The following TGFA variants were observed in gnomAD, a reference collection of about 807,000 sequenced individuals.
The protein encoded by TGFA is transforming growth factor alpha.
Under a neutral mutation model 21.7 loss-of-function variants are expected in TGFA, and 12 were observed. The observed-to-expected ratio is 0.55, with a 90% CI of 0.35 to 0.90. The LOEUF (loss-of-function observed/expected upper bound fraction) is 0.90, where lower values mean the gene tolerates loss of function less well. Ranked by LOEUF, TGFA falls within the 40% of genes least tolerant of loss-of-function variation. The pLI, the probability that TGFA is intolerant of heterozygous loss-of-function variation, is 0.01. For missense variants in TGFA, 178 were observed against 210.8 expected, an observed-to-expected ratio of 0.84 and a Z score of 0.96; for synonymous variants, 79 against 88.1, an observed-to-expected ratio of 0.90 and a Z score of 0.58.
intron 2 of TGFA, among the ~76,000 whole-genome samples, chr2:70,479,510 T>G (rs1289847660): frequency 6.6e-6 from 1 of 152,232 alleles, no homozygotes; most frequent in Non-Finnish European, 1.5e-5. Flanking sequence ...GTTAATGCTT[T>G]CAATCTTAAG....
At chr2:70,537,576 T>C (rs1574144304) in intron 1 of TGFA, among the ~76,000 whole-genome samples, 1 of 152,240 alleles carries the variant, frequency 6.6e-6, no homozygotes, top group African/African-American at 2.4e-5. Context: ...ATGGTTGTTA[T>C]GGAGAAAGTT....
chr2:70,462,387 G>A (rs1452388213), intron 3 of TGFA, among the ~76,000 whole-genome samples: 1 of 152,240 alleles, frequency 6.6e-6, no homozygotes, highest in Admixed American at 6.5e-5. Flanking sequence ...ACACATGCAA[G>A]CCCCAAGGGG....
chr2:70,473,915 GGGGTGGGGCA>G (rs1553493738), intron 2 of TGFA, among the ~76,000 whole-genome samples: 1 of 152,120 alleles, frequency 6.6e-6, no homozygotes, highest in African/African-American at 2.4e-5. Context: ...TCAGCTGGGT[GGGGTGGGGCA>G]GGGCCATTTT....
At position 70,488,021 on chromosome 2, in the gene TGFA, G is replaced by C. The variant is rs72910034; in HGVS notation, c.95-22285C>G. Among the ~76,000 whole-genome samples the C allele has an allele frequency of 2.4e-3, 362 of 152,272 alleles. 1 individual carries two copies. Among genetic ancestry groups the C allele is most frequent in the African/African-American group, 8.4e-3 (351 of 41,558 alleles). On this transcript the variant is annotated intron_variant, in intron 2 of 5. Transcript: ENST00000295400. ...TCGTCAATTTCGTGGCAATGTATAAGAATCTCTTATGTTAACTGCATTTTC... is the reference window on the plus strand; with the variant it reads ...TCGTCAATTTCGTGGCAATGTATAACAATCTCTTATGTTAACTGCATTTTC...
intron 3 of TGFA, among the ~76,000 whole-genome samples, chr2:70,464,078 G>A (rs1365305417): frequency 6.6e-6 from 1 of 152,176 alleles, no homozygotes; most frequent in Non-Finnish European, 1.5e-5. Flanking sequence ...GGCCTGCCCA[G>A]ACTCACACAG....
At chr2:70,482,840 G>T (rs537005141) in intron 2 of TGFA, among the ~76,000 whole-genome samples, 3 of 151,970 alleles carry the variant, frequency 2.0e-5, no homozygotes, top group South Asian at 4.2e-4. Flanking sequence ...GCTCATAAAA[G>T]TCTCAACAGG....
intron 3 of TGFA, among the ~76,000 whole-genome samples, chr2:70,464,744 A>G (rs1422982163): frequency 6.6e-6 from 1 of 152,214 alleles, no homozygotes; most frequent in Non-Finnish European, 1.5e-5. Context: ...CCTAAAGAAT[A>G]AAGACAGCTT....
intron 1 of TGFA, among the ~76,000 whole-genome samples, chr2:70,547,068 A>C (rs1436242435): frequency 6.6e-6 from 1 of 152,222 alleles, no homozygotes; most frequent in East Asian, 1.9e-4. Flanking sequence ...AAAAAGTGAA[A>C]TTGATGACTC....
intron 2 of TGFA, among the ~76,000 whole-genome samples, chr2:70,483,100 TATTTTG>T (rs1671170878): frequency 6.6e-6 from 1 of 152,230 alleles, no homozygotes; most frequent in South Asian, 2.1e-4. Context: ...TCCAACTGAA[TATTTTG>T]ATTTTGTCAT....
intron 1 of TGFA, among the ~76,000 whole-genome samples, chr2:70,550,778 G>A (rs1397854058): frequency 1.3e-5 from 2 of 152,152 alleles, no homozygotes; most frequent in Non-Finnish European, 2.9e-5. Context: ...CCGAGATCGC[G>A]CCACTGCACT....
At chr2:70,529,588 T>TCCCCCC (rs149639655) in intron 1 of TGFA, among the ~76,000 whole-genome samples, 3 of 146,530 alleles carry the variant, frequency 2.0e-5, no homozygotes, top group Non-Finnish European at 4.5e-5. Flanking sequence ...GAGGAGTGAA[T>TCCCCCC]CCCCCCGCCC....
At chr2:70,534,115 C>T (rs1553504069) in intron 1 of TGFA, among the ~76,000 whole-genome samples, 19 of 152,330 alleles carry the variant, frequency 1.2e-4, no homozygotes. Context: ...CCCAAAAATG[C>T]TGCCAGCTGA....
intron 1 of TGFA, among the ~76,000 whole-genome samples, chr2:70,542,642 G>T (rs1358308774): frequency 6.6e-6 from 1 of 152,188 alleles, no homozygotes; most frequent in Non-Finnish European, 1.5e-5. Context: ...AGGTTTTCAA[G>T]CTTTTTAAAG....
intron 1 of TGFA, among the ~76,000 whole-genome samples, 195 bp from the exon 2 acceptor site, chr2:70,515,107 A>G (rs1553501441): frequency 6.6e-6 from 1 of 152,102 alleles, no homozygotes; most frequent in African/African-American, 2.4e-5. Context: ...AAAAAGTAAG[A>G]AGAAAATGCC....
At chr2:70,534,586 A>G (rs951984578) in intron 1 of TGFA, among the ~76,000 whole-genome samples, 2 of 152,216 alleles carry the variant, frequency 1.3e-5, no homozygotes, top group Non-Finnish European at 2.9e-5. Context: ...TGAATTTATT[A>G]TTAGAGGTTC....
At chr2:70,519,053 AGAC>A (rs1672372283) in intron 1 of TGFA, among the ~76,000 whole-genome samples, 1 of 152,214 alleles carries the variant, frequency 6.6e-6, no homozygotes, top group South Asian at 2.1e-4. Context: ...TTCTGGATTC[AGAC>A]GAGGTGGTGA....
intron 2 of TGFA, among the ~76,000 whole-genome samples, chr2:70,486,010 T>C (rs1671261704): frequency 6.6e-6 from 1 of 152,230 alleles, no homozygotes; most frequent in South Asian, 2.1e-4. Flanking sequence ...TGATAGTATT[T>C]GAAAGGCAAA....
rs181662194 is a variant in TGFA at position 70,457,946 on chromosome 2, T to G, written c.216-1458A>C. On this transcript the variant is annotated intron_variant, in intron 3 of 5. Coordinates refer to ENST00000295400, the MANE Select transcript of TGFA (RefSeq NM_003236.4). ...AGACATGGCAGTGATAGCTAAACTT[T>G]TCTAAAGAGTTTATCTTTTGATTAA... is the stretch of plus-strand genomic sequence containing the variant. Among the ~76,000 whole-genome samples, 290 of 152,344 alleles carry G rather than the reference T, an allele frequency of 1.9e-3. 1 individual carries two copies. Among genetic ancestry groups the G allele is most frequent in the African/African-American group, 6.7e-3 (280 of 41,580 alleles).
At chr2:70,486,196 A>G (rs1229846140) in intron 2 of TGFA, among the ~76,000 whole-genome samples, 1 of 152,210 alleles carries the variant, frequency 6.6e-6, no homozygotes, top group Non-Finnish European at 1.5e-5. Context: ...CAATATGGCA[A>G]AAATGACCTC....
Sources: allele counts gnomAD v4.1 joint callset (sites outside exome capture counted in the v4.1 genomes callset), GRCh38; gene constraint gnomAD v4.1.1; transcripts MANE v1.5; gene names NCBI Gene and HGNC (gene_info 2026-07-23, HGNC 2026-07-21).